The following MDGA2 variants were observed in gnomAD, a reference collection of about 807,000 sequenced individuals.
MDGA2 encodes the protein MAM domain-containing glycosylphosphatidylinositol anchor protein 2.
MDGA2 carries 40 observed loss-of-function variants against 117.8 expected under a neutral mutation model. That is an observed-to-expected ratio of 0.34 (90% CI 0.26 to 0.44). MDGA2 has a LOEUF of 0.44. Among genes scored for constraint, MDGA2 ranks in the 20% least tolerant of loss-of-function variants. The pLI is 1.00. For synonymous variants in MDGA2, 452 were observed against 439.0 expected (o/e 1.03, Z -0.37); for missense variants, 1,123 against 1,250.6 (o/e 0.90, Z 1.54).
chr14:46,852,234 A>C (rs1300275570), intron 15 of MDGA2, among the ~76,000 whole-genome samples: 2 of 151,768 alleles, frequency 1.3e-5, no homozygotes, highest in African/African-American at 4.8e-5. Flanking sequence ...ACAAGGCTAT[A>C]TTTCTACTTT....
chr14:47,036,178 G>T (rs1594551389), intron 7 of MDGA2, among the ~76,000 whole-genome samples: 1 of 148,866 alleles, frequency 6.7e-6, no homozygotes, highest in South Asian at 2.1e-4. Context: ...GCTGAGGCAG[G>T]AGAATGGTGT....
chr14:47,267,247 C>T (rs1293295631), intron 2 of MDGA2, among the ~76,000 whole-genome samples: 1 of 151,404 alleles, frequency 6.6e-6, no homozygotes, highest in African/African-American at 2.4e-5. Context: ...AGTTTTTAAT[C>T]ATAATTATAT....
intron 3 of MDGA2, among the ~76,000 whole-genome samples, chr14:47,180,357 AT>A (rs1175211893): frequency 1.3e-5 from 2 of 152,222 alleles, no homozygotes; most frequent in Non-Finnish European, 2.9e-5. Flanking sequence ...ATGGGATTTC[AT>A]TAAACTAAGG....
At chr14:47,603,959 C>A (rs951501587) in intron 1 of MDGA2, among the ~76,000 whole-genome samples, 2 of 152,298 alleles carry the variant, frequency 1.3e-5, no homozygotes, top group South Asian at 4.1e-4. Flanking sequence ...CCCTCTTCAC[C>A]TTCCACCTTA....
chr14:47,355,967 G>T (rs1890985241), intron 1 of MDGA2, among the ~76,000 whole-genome samples: 1 of 152,184 alleles, frequency 6.6e-6, no homozygotes, highest in Non-Finnish European at 1.5e-5. Context: ...AAACCCCACT[G>T]AGGTAAGCTT....
At chr14:47,074,646 A>G (rs1890424895) in intron 6 of MDGA2, among the ~76,000 whole-genome samples, 1 of 152,222 alleles carries the variant, frequency 6.6e-6, no homozygotes, top group Non-Finnish European at 1.5e-5. Context: ...GAGGAGCAGC[A>G]GCTCAGTCCA....
rs751847554 is a variant in MDGA2, at chr14:47,034,974, TC to T, written c.1819+36del. On this transcript the variant is annotated intron_variant, in intron 8 of 16. Coordinates refer to ENST00000399232, the MANE Select transcript of MDGA2 (RefSeq NM_001113498.3). The stretch of plus-strand genomic sequence containing the variant: ...AATAATGGTAACACTTCTTCCCTTG[TC>T]CCCATATGGAAATGCATAAAAGGGA... 33 of 1,561,860 alleles carry T rather than the reference TC, an allele frequency of 2.1e-5. No homozygotes were observed. The South Asian group carries it at 4.0e-4, about 19-fold the overall frequency.
chr14:47,169,025 T>C (rs563146342), intron 3 of MDGA2, among the ~76,000 whole-genome samples: 2 of 152,166 alleles, frequency 1.3e-5, no homozygotes, highest in South Asian at 2.1e-4. Context: ...TATAGATAGA[T>C]AGATAGAAAT....
At chr14:46,895,078 T>C (rs1883024253) in intron 10 of MDGA2, among the ~76,000 whole-genome samples, 1 of 152,056 alleles carries the variant, frequency 6.6e-6, no homozygotes, top group Admixed American at 6.6e-5. Context: ...ATAATTAGGG[T>C]TTGAGTTTTT....
chr14:47,506,545 T>A (rs1342091966), intron 1 of MDGA2, among the ~76,000 whole-genome samples: 1 of 152,208 alleles, frequency 6.6e-6, no homozygotes, highest in African/African-American at 2.4e-5. Context: ...TCACTATGCA[T>A]GTGAGAACAA....
intron 14 of MDGA2, 98 bp downstream of exon 14, chr14:46,873,333 ATT>A (rs777095672): frequency 5.5e-6 from 6 of 1,091,842 alleles, no homozygotes; most frequent in Non-Finnish European, 6.2e-6. Flanking sequence ...GAATTATAGC[ATT>A]CTTTGACCAA....
At chr14:46,939,977 A>G (rs72676686) in intron 9 of MDGA2, among the ~76,000 whole-genome samples, 5,762 of 152,248 alleles carry the variant, frequency 0.038, 152 homozygotes, top group Middle Eastern at 0.16. Context: ...TTACCCTGGT[A>G]TAGGAACTAC....
chr14:47,181,523 T>C (rs535562060), intron 3 of MDGA2, among the ~76,000 whole-genome samples: 1 of 152,336 alleles, frequency 6.6e-6, no homozygotes, highest in South Asian at 2.1e-4. Flanking sequence ...AATTATTCTG[T>C]TATTGAATCC....
chr14:47,548,422 TTGC>T (rs1895507313), intron 1 of MDGA2, among the ~76,000 whole-genome samples: 1 of 152,120 alleles, frequency 6.6e-6, no homozygotes, highest in Admixed American at 6.5e-5. Context: ...TAGTTTGTTG[TTGC>T]TGCTGTTTGC....
intron 8 of MDGA2, among the ~76,000 whole-genome samples, chr14:46,995,163 A>G (rs1887241549): frequency 6.6e-6 from 1 of 152,150 alleles, no homozygotes; most frequent in Admixed American, 6.6e-5. Context: ...AAGTAAAACA[A>G]AACAAAAATT....
intron 1 of MDGA2, among the ~76,000 whole-genome samples, chr14:47,408,174 G>T (rs2900005): frequency 0.51 from 76,534 of 150,390 alleles, 19,678 homozygotes; most frequent in East Asian, 0.61. Context: ...TCCTGCCTCA[G>T]CCTCCTGAGT....
downstream of MDGA2, among the ~76,000 whole-genome samples, chr14:46,839,835 T>C (rs576910691): frequency 6.6e-6 from 1 of 152,098 alleles, no homozygotes; most frequent in East Asian, 1.9e-4. Context: ...CTGGTCCCCT[T>C]TTGAACTGAC....
intron 2 of MDGA2, among the ~76,000 whole-genome samples, chr14:47,279,224 T>C (rs1888397716): frequency 6.6e-6 from 1 of 152,162 alleles, no homozygotes; most frequent in Non-Finnish European, 1.5e-5. Context: ...ATTTTGAGGG[T>C]ATGCATACTG....
At chr14:47,026,916 A>G (rs1486942606) in intron 8 of MDGA2, among the ~76,000 whole-genome samples, 1 of 152,176 alleles carries the variant, frequency 6.6e-6, no homozygotes, top group Non-Finnish European at 1.5e-5. Context: ...TCACACCTTC[A>G]ATCCCAGCAC....
Sources: allele counts gnomAD v4.1 joint callset (sites outside exome capture counted in the v4.1 genomes callset), GRCh38; gene constraint gnomAD v4.1.1; transcripts MANE v1.5; gene names NCBI Gene and HGNC (gene_info 2026-07-23, HGNC 2026-07-21).